The following COG7 variants were observed in gnomAD, a reference collection of about 807,000 sequenced individuals.
COG7 encodes component of oligomeric golgi complex 7, also known as conserved oligomeric Golgi complex subunit 7.
Under a neutral mutation model 91.5 loss-of-function variants are expected in COG7, and 49 were observed. The observed-to-expected ratio is 0.54, with a 90% confidence interval of 0.43 to 0.68. COG7 has a LOEUF of 0.68. Ranked by LOEUF, COG7 falls within the 30% of genes least tolerant of loss-of-function variation. COG7 has a pLI of 0.00. For missense variants in COG7, 895 were observed against 961.3 expected, an observed-to-expected ratio of 0.93 and a Z score of 0.91; for synonymous variants, 365 against 388.7, an observed-to-expected ratio of 0.94 and a Z score of 0.72.
chr16:23,434,916 C>T (rs1480479129), intron 4 of COG7, among the ~76,000 whole-genome samples, 198 bp from the exon 5 acceptor site: 1 of 152,124 alleles, frequency 6.6e-6, no homozygotes, highest in Non-Finnish European at 1.5e-5. Flanking sequence ...AAGGTATTCC[C>T]CACTGTTCCT....
rs1490375188 is a variant in COG7 at position 23,433,766 on chromosome 16, C to A, written c.688-99G>T. The A allele has an allele frequency of 2.1e-6, 3 of 1,422,148 alleles. No homozygotes were observed. In the African/African-American group the frequency reaches 4.3e-5, roughly 20 times the overall value. 88.1% of individuals were successfully genotyped at this position (1,422,148 alleles called of 1,614,324 possible). ...CTACCCAGCGTAATCACGGATTGCT[C>A]AATGGGCTCACTGGGCAGCCCAGTG... On this transcript the variant is annotated intron_variant, in intron 5 of 16. Coordinates refer to ENST00000307149, the MANE Select transcript of COG7 (RefSeq NM_153603.4).
chr16:23,451,650 T>C (rs1255613362), intron 1 of COG7, among the ~76,000 whole-genome samples: 1 of 151,292 alleles, frequency 6.6e-6, no homozygotes, highest in Non-Finnish European at 1.5e-5. Flanking sequence ...AACCCAGAGT[T>C]TGAGGCTGCA....
Position 23,445,915 on chromosome 16 carries a change from A to C in COG7, c.216T>G (p.Asp72Glu). The change falls in exon 2 of 17, where the codon GAT becomes GAG. Residue 72 changes from aspartate to glutamate, a missense_variant. By Grantham distance (45) the Asp-to-Glu change is conservative. Transcript: ENST00000307149. ...ALQNMPKVLR[D>E]VEALKQEASF... is the part of the protein sequence containing the mutation. ...ATGCCTCCTGTTTTAGGGCTTCAAC[A>C]TCACGGAGCACTTTGGGCATGTTCT... 1 of 1,613,720 alleles carries C rather than the reference A, an allele frequency of 6.2e-7. No homozygotes were observed. The highest frequency in any genetic ancestry group is 8.5e-7 in the Non-Finnish European group (1 of 1,179,952).
rs1160717553 is a variant in COG7, at chr16:23,424,774, C to T, written c.984G>A (p.Leu328=). 1.2e-6 allele frequency: 2 copies of T among 1,614,248 alleles called. No homozygotes were observed. The highest frequency in any genetic ancestry group is 1.7e-6 in the Non-Finnish European group (2 of 1,180,042). Reference sequence around the variant, plus strand: ...GTAGGTGGGGGAGCAGTGCCATCTCCAAGCCCTTGGCGAAGTGGGCGGTGG... The same window carrying T: ...GTAGGTGGGGGAGCAGTGCCATCTCTAAGCCCTTGGCGAAGTGGGCGGTGG... ...YDATAHFAKG[L]EMALLPHLHE... Residue 328 remains leucine, a synonymous_variant, in exon 7 of 17, where the codon TTG becomes TTA. Transcript: ENST00000307149.
chr16:23,448,060 G>A (rs1015486300), intron 1 of COG7, among the ~76,000 whole-genome samples: 9 of 152,114 alleles, frequency 5.9e-5, no homozygotes, highest in African/African-American at 2.2e-4. Flanking sequence ...ACTAAATGGA[G>A]AAATTGGTCC....
In COG7 at chr16:23,405,979, G is replaced by A. The variant is rs11865583; in HGVS notation, c.1662+97C>T. On this transcript the variant is annotated intron_variant, in intron 12 of 16. Transcript: ENST00000307149. ...GTAGCAGGGTACGTCACAGCCCAGG[G>A]CCACACACAGGGCCCGCCTGTAACC... is the stretch of plus-strand genomic sequence containing the variant. 7.5e-4 allele frequency: 807 copies of A among 1,078,340 alleles called. 5 individuals carry two copies. The African/African-American group carries it at 0.01, about 14-fold the overall frequency. The allele number at this position is 1,078,340 out of a possible 1,614,324, so 66.8% of individuals were successfully genotyped here.
chr16:23,422,588 T>C (rs1596936056), intron 7 of COG7, among the ~76,000 whole-genome samples: 2 of 151,306 alleles, frequency 1.3e-5, no homozygotes, highest in African/African-American at 4.8e-5. Flanking sequence ...GAACAATGTA[T>C]ATTTATATTT....
At chr16:23,418,622 C>T in intron 8 of COG7, 78 bp downstream of exon 8, 2 of 1,420,938 alleles carry the variant, frequency 1.4e-6, no homozygotes, top group Non-Finnish European at 2.0e-6. Flanking sequence ...ATCCCAACCC[C>T]CAGCCCTCTC....
In COG7 at chr16:23,452,966, T is replaced by C; in HGVS notation, c.29A>G (p.Asp10Gly). The part of the protein sequence containing the change: MDFSKFLAD[D>G]FDVKEWINAA... ...ATTGATCCACTCCTTCACGTCGAAG[T>C]CGTCTGCCAGGAACTTGGAGAAGTC... The change falls in exon 1 of 17, where the codon GAC becomes GGC. Residue 10 changes from aspartate (D) to glycine (G), a missense_variant. Physicochemically the swap from Asp to Gly is moderately conservative, Grantham distance 94. Transcript: ENST00000307149. 1.2e-6 allele frequency: 2 copies of C among 1,614,066 alleles called. No individual in the cohort carries two copies. The highest frequency in any genetic ancestry group is 2.2e-5 in the South Asian group (2 of 91,090).
In COG7 at chr16:23,424,791, G is replaced by A. The variant is rs373727390; in HGVS notation, c.967C>T (p.His323Tyr). 1.9e-6 allele frequency: 3 copies of A among 1,614,244 alleles called. No homozygotes were observed. The African/African-American group carries it at 4.0e-5, about 22-fold the overall frequency. The change falls in exon 7 of 17, where the codon CAC becomes TAC. Residue 323 changes from histidine (H) to tyrosine (Y), a missense_variant. Physicochemically the swap from His to Tyr is moderately conservative, Grantham distance 83 (BLOSUM62 2). Transcript: ENST00000307149. ...GCCATCTCCAAGCCCTTGGCGAAGT[G>A]GGCGGTGGCGTCGTAGAACTCCAGC... ...RLLEFYDATAHFAKGLEMALL... is the reference protein window; with the variant it reads ...RLLEFYDATAYFAKGLEMALL...
chr16:23,427,128 G>A (rs1567341166), intron 6 of COG7, among the ~76,000 whole-genome samples: 1 of 152,120 alleles, frequency 6.6e-6, no homozygotes, highest in African/African-American at 2.4e-5. Flanking sequence ...GTGTGCACCC[G>A]TAGTCCCAGC....
rs747080807 is a variant in COG7, at chr16:23,388,875, G to GA, written c.*44dup. ...GAGCAAATCTGTGCTGGTGAGTCGC[G>GA]AAACAGCAGCCCTGGCTCTCTTGGT... On this transcript the variant is annotated 3_prime_UTR_variant, in exon 17 of 17. Coordinates refer to ENST00000307149, the MANE Select transcript of COG7 (RefSeq NM_153603.4). 30 of 1,612,548 alleles carry GA rather than the reference G, an allele frequency of 1.9e-5. No individual in the cohort carries two copies. Among genetic ancestry groups the GA allele is most frequent in the Admixed American group, 5.0e-5 (3 of 59,870 alleles).
intron 6 of COG7, 103 bp downstream of exon 6, chr16:23,433,442 T>G: frequency 6.8e-7 from 1 of 1,469,242 alleles, no homozygotes; most frequent in Non-Finnish European, 9.5e-7. Context: ...GGGGAAGTTC[T>G]TTGAGCTGTG....
chr16:23,432,249 T>C (rs1027359588), intron 6 of COG7, among the ~76,000 whole-genome samples: 1 of 152,198 alleles, frequency 6.6e-6, no homozygotes, highest in Non-Finnish European at 1.5e-5. Flanking sequence ...TTGAATGACA[T>C]GACCCGGTAT....
intron 6 of COG7, 93 bp downstream of exon 6, chr16:23,433,452 G>T: frequency 6.7e-7 from 1 of 1,494,376 alleles, no homozygotes; most frequent in Non-Finnish European, 9.3e-7. Context: ...TTTGAGCTGT[G>T]CTCTGCAGTT....
At chr16:23,421,871 G>C (rs899873992) in intron 7 of COG7, among the ~76,000 whole-genome samples, 1 of 134,862 alleles carries the variant, frequency 7.4e-6, no homozygotes, top group Non-Finnish European at 1.6e-5. Context: ...AAAAAAAAAA[G>C]AACAAAATGT....
At position 23,424,948 on chromosome 16, in the gene COG7, C is replaced by G; in HGVS notation, c.811-1G>C. 1 of 1,597,962 alleles carries G rather than the reference C, an allele frequency of 6.3e-7. No individual in the cohort carries two copies. The highest frequency in any genetic ancestry group is 8.5e-7 in the Non-Finnish European group (1 of 1,171,044). On this transcript the variant is annotated splice_acceptor_variant, in intron 6 of 16. Transcript: ENST00000307149. LOFTEE classifies it high-confidence loss of function. ...CCACCTCGTGGGGCTTCTGGAAAAC[C>G]TGCAGTGAGAGAGAGGTGTACCTGC...
At chr16:23,393,779 C>A (rs935200476) in intron 14 of COG7, among the ~76,000 whole-genome samples, 1 of 152,126 alleles carries the variant, frequency 6.6e-6, no homozygotes, top group Non-Finnish European at 1.5e-5. Flanking sequence ...CAGTGGCTCA[C>A]ACCTGTAATC....
At chr16:23,443,717 T>C (rs186631745) in intron 3 of COG7, among the ~76,000 whole-genome samples, 11 of 151,706 alleles carry the variant, frequency 7.3e-5, no homozygotes, top group African/African-American at 2.2e-4. Context: ...AAAAGATAGA[T>C]TGTTGAGTGA....
Sources: gnomAD v4.1 joint callset for allele counts (sites outside exome capture counted in the v4.1 genomes callset) on GRCh38, gnomAD v4.1.1 for gene constraint, MANE v1.5 for transcripts, NCBI Gene and HGNC (gene_info 2026-07-23, HGNC 2026-07-21) for gene names.